The following PCDHGA7 variants were observed in gnomAD, a reference collection of about 807,000 sequenced individuals.
PCDHGA7 encodes the protein protocadherin gamma subfamily A, 7, also known as protocadherin gamma-A7.
Under a neutral mutation model 58.3 loss-of-function variants are expected in PCDHGA7, and 44 were observed. The ratio of observed to expected loss-of-function variants is 0.75; its 90% CI spans 0.59 to 0.97. PCDHGA7 has a LOEUF of 0.97. Ranked by LOEUF, PCDHGA7 falls within the 50% of genes least tolerant of loss-of-function variation. The pLI is 0.00. For synonymous variants in PCDHGA7, 516 were observed against 504.2 expected, an observed-to-expected ratio of 1.02 and a Z score of -0.31; for missense variants, 1,266 against 1,188.7, an observed-to-expected ratio of 1.06 and a Z score of -0.96.
chr5:141,425,795 T>A (rs2096894407), intron 1 of PCDHGA7, among the ~76,000 whole-genome samples: 1 of 152,244 alleles, frequency 6.6e-6, no homozygotes, highest in Non-Finnish European at 1.5e-5. Flanking sequence ...TTCCAATATG[T>A]GCATTGCTTC....
intron 1 of PCDHGA7, among the ~76,000 whole-genome samples, chr5:141,386,242 G>A (rs1359369432): frequency 1.3e-5 from 2 of 152,146 alleles, no homozygotes; most frequent in Non-Finnish European, 2.9e-5. Flanking sequence ...AATTCAGTTG[G>A]AAATAACCCA....
chr5:141,426,311 G>C (rs895147447), intron 1 of PCDHGA7: 7 of 173,614 alleles, frequency 4.0e-5, no homozygotes, highest in Middle Eastern at 2.9e-3. Context: ...AAGCAGAGAA[G>C]CAGGACCCGG....
At position 141,485,437 on chromosome 5, in the gene PCDHGA7, C is replaced by A. The variant is rs2099613420; in HGVS notation, c.2425-9370C>A. The A allele has an allele frequency of 6.2e-7, 1 of 1,614,174 alleles. No individual in the cohort carries two copies. Among genetic ancestry groups the A allele is most frequent in the Non-Finnish European group, 8.5e-7 (1 of 1,180,028 alleles). On this transcript the variant is annotated intron_variant, in intron 1 of 3. Transcript: ENST00000518325. The surrounding 1 kb of genome is among the most constrained non-coding windows in gnomAD (Gnocchi z 5.7). ...ACAGCGGAGCCCTGCTCATCAAGAA[C>A]CCAATCGACCGAGAGGCACTGTGTG...
In PCDHGA7 at chr5:141,418,027, T is replaced by C. The variant is rs536104184; in HGVS notation, c.2424+32704T>C. On this transcript the variant is annotated intron_variant, in intron 1 of 3. Coordinates refer to ENST00000518325, the MANE Select transcript of PCDHGA7 (RefSeq NM_018920.4). ...GGAACCTCGCTAAGGATCTAGGGCT[T>C]AGTGTCCTGGATGTGTCGGCTCGCG... is the stretch of plus-strand genomic sequence containing the variant. 144 of 1,613,732 alleles carry C rather than the reference T, an allele frequency of 8.9e-5. No homozygotes were observed. The East Asian group carries it at 1.2e-3, about 14-fold the overall frequency.
At chr5:141,418,604 G>A in intron 1 of PCDHGA7, 2 of 1,614,040 alleles carry the variant, frequency 1.2e-6, no homozygotes, top group Non-Finnish European at 1.7e-6. Context: ...CGTGTACAGG[G>A]TTAGCCTTCG....
intron 1 of PCDHGA7, among the ~76,000 whole-genome samples, chr5:141,447,983 G>A (rs1311439824): frequency 6.6e-6 from 1 of 151,972 alleles, no homozygotes; most frequent in Non-Finnish European, 1.5e-5. Context: ...CTACTCGGGA[G>A]GCTGAGGCAT....
rs2099615817 is a variant in PCDHGA7 at position 141,485,564 on chromosome 5, C to G, written c.2425-9243C>G. On this transcript the variant is annotated intron_variant, in intron 1 of 3. Coordinates refer to ENST00000518325, the MANE Select transcript of PCDHGA7 (RefSeq NM_018920.4). This position sits in a 1 kb window ranked among gnomAD's most constrained non-coding sequence, Gnocchi z 5.7. ...GATCGTAGATGTGAATGATCACGCCCCCCGTTTTCCGCGGCAGCAGCTGGA... is the reference window on the plus strand; with the variant it reads ...GATCGTAGATGTGAATGATCACGCCGCCCGTTTTCCGCGGCAGCAGCTGGA... 6.2e-7 allele frequency: 1 copy of G among 1,612,958 alleles called. No individual in the cohort carries two copies. The highest frequency in any genetic ancestry group is 8.5e-7 in the Non-Finnish European group (1 of 1,179,052).
At chr5:141,434,609 G>A (rs189866750) in intron 1 of PCDHGA7, among the ~76,000 whole-genome samples, 11 of 152,064 alleles carry the variant, frequency 7.2e-5, no homozygotes, top group Non-Finnish European at 1.3e-4. Context: ...CTTTATTTCC[G>A]CCCATCTCTT....
At chr5:141,445,490 C>A (rs1181158971) in intron 1 of PCDHGA7, among the ~76,000 whole-genome samples, 1 of 152,134 alleles carries the variant, frequency 6.6e-6, no homozygotes, top group African/African-American at 2.4e-5. Flanking sequence ...AGTTAATGGG[C>A]CCTATTCTAA....
rs554845172 is a variant in PCDHGA7 at position 141,485,584 on chromosome 5, G to A, written c.2425-9223G>A. Reference sequence around the variant, plus strand: ...ACGCCCCCCGTTTTCCGCGGCAGCAGCTGGACTTGGAAATTGGGGAGGCAG... The same window carrying A: ...ACGCCCCCCGTTTTCCGCGGCAGCAACTGGACTTGGAAATTGGGGAGGCAG... On this transcript the variant is annotated intron_variant, in intron 1 of 3. Transcript: ENST00000518325. The surrounding 1 kb of genome is among the most constrained non-coding windows in gnomAD (Gnocchi z 5.7). The A allele has an allele frequency of 2.9e-5, 46 of 1,612,498 alleles. 1 individual carries two copies. The South Asian group carries it at 4.5e-4, about 16-fold the overall frequency.
chr5:141,394,397 G>A, intron 1 of PCDHGA7: 1 of 1,614,212 alleles, frequency 6.2e-7, no homozygotes, highest in Non-Finnish European at 8.5e-7. Flanking sequence ...TCCGAGACCT[G>A]CAGCTACTGG....
intron 2 of PCDHGA7, among the ~76,000 whole-genome samples, chr5:141,504,870 AG>A (rs1453764331): frequency 6.6e-6 from 1 of 151,996 alleles, no homozygotes; most frequent in Non-Finnish European, 1.5e-5. Context: ...CCACCTTCAC[AG>A]TCCTCTGGAG....
chr5:141,398,736 A>G (rs748665574), intron 1 of PCDHGA7: 1 of 1,613,884 alleles, frequency 6.2e-7, no homozygotes, highest in South Asian at 1.1e-5. Context: ...TAGACCGGGA[A>G]CAACAGAGTT....
intron 1 of PCDHGA7, chr5:141,410,998 T>C: frequency 5.8e-6 from 1 of 173,396 alleles, no homozygotes; most frequent in South Asian, 1.4e-4. Context: ...GGATTACTGG[T>C]GCCCCTCACC....
chr5:141,447,301 G>A (rs557269538), intron 1 of PCDHGA7, among the ~76,000 whole-genome samples: 39 of 152,060 alleles, frequency 2.6e-4, no homozygotes, highest in Non-Finnish European at 1.5e-4. Flanking sequence ...CACCACACCC[G>A]GCTAATTTTT....
rs138087785 is a variant in PCDHGA7, at chr5:141,383,992, G to T, written c.1093G>T (p.Val365Phe). 9.8e-5 allele frequency: 158 copies of T among 1,613,878 alleles called. No homozygotes were observed. The East Asian group carries it at 3.5e-3, about 35-fold the overall frequency. Residue 365 changes from valine to phenylalanine, a missense_variant, in exon 1 of 4, where the codon GTC (valine) becomes TTC (phenylalanine). By Grantham distance (50) the Val-to-Phe change is conservative (BLOSUM62 -1). Coordinates refer to ENST00000518325, the MANE Select transcript of PCDHGA7 (RefSeq NM_018920.4). Reference sequence around the variant, plus strand: ...CCCTGAAGACACACCTCTTGGGACAGTCATTGCTCTTTTCTACCTACAAGA... The same window carrying T: ...CCCTGAAGACACACCTCTTGGGACATTCATTGCTCTTTTCTACCTACAAGA... The part of the protein sequence containing the change: ...SIPEDTPLGT[V>F]IALFYLQDRD...
At position 141,414,606 on chromosome 5, in the gene PCDHGA7, A is replaced by G. The variant is rs760846889; in HGVS notation, c.2424+29283A>G. ...ACGCCAGGGGTGCCTCCATCTTCTCAGTGACAGCGCTGGACCCGGACAGCA... is the reference window on the plus strand; with the variant it reads ...ACGCCAGGGGTGCCTCCATCTTCTCGGTGACAGCGCTGGACCCGGACAGCA... On this transcript the variant is annotated intron_variant, in intron 1 of 3. Coordinates refer to ENST00000518325, the MANE Select transcript of PCDHGA7 (RefSeq NM_018920.4). The G allele has an allele frequency of 1.6e-5, 26 of 1,613,826 alleles. No homozygotes were observed. In the East Asian group the frequency reaches 5.6e-4, roughly 35 times the overall value.
chr5:141,399,711 A>G (rs1232938340), intron 1 of PCDHGA7: 5 of 1,613,236 alleles, frequency 3.1e-6, no homozygotes, highest in African/African-American at 1.3e-5. Context: ...AACTCACACT[A>G]CAGGCCCGCG....
At chr5:141,423,533 T>C (rs2096751691) in intron 1 of PCDHGA7, 1 of 1,613,650 alleles carries the variant, frequency 6.2e-7, no homozygotes, top group Non-Finnish European at 8.5e-7. Flanking sequence ...AAGAGTCACC[T>C]GATTTTCCCC....
Sources: allele counts gnomAD v4.1 joint callset (sites outside exome capture counted in the v4.1 genomes callset), GRCh38; gene constraint gnomAD v4.1.1; non-coding constraint Gnocchi (gnomAD v3.1); transcripts MANE v1.5; gene names NCBI Gene and HGNC (gene_info 2026-07-23, HGNC 2026-07-21).